The following EML5 variants were observed in gnomAD, a reference collection of about 807,000 sequenced individuals.
EML5 encodes the protein EMAP like 5.
EML5 carries 120 observed loss-of-function variants against 250.0 expected under a neutral mutation model. The observed-to-expected ratio is 0.48, with a 90% CI of 0.41 to 0.56. The LOEUF (loss-of-function observed/expected upper bound fraction) is 0.56. EML5 is among the 20% of genes least tolerant of loss of function. The pLI is 0.00. For synonymous variants in EML5, 771 were observed against 806.5 expected (o/e 0.96, Z 0.75); for missense variants, 2,006 against 2,437.6 (o/e 0.82, Z 3.73).
chr14:88,621,340 A>C lies in EML5; in HGVS notation c.5014-39T>G, dbSNP rs374668618. The C allele has an allele frequency of 3.7e-6, 6 of 1,607,792 alleles. No homozygotes were observed. In the African/African-American group the frequency reaches 6.7e-5, roughly 18 times the overall value. ...AGGACCAATACAGTGAATGTAATACAACAGCTGCTTTTCTTCTTCATAATA... is the reference window on the plus strand; with the variant it reads ...AGGACCAATACAGTGAATGTAATACCACAGCTGCTTTTCTTCTTCATAATA... On this transcript the variant is annotated intron_variant, in intron 37 of 43. Coordinates refer to ENST00000554922, the MANE Select transcript of EML5 (RefSeq NM_183387.3).
chr14:88,767,044 G>A (rs1389573682), intron 1 of EML5, among the ~76,000 whole-genome samples: 1 of 152,102 alleles, frequency 6.6e-6, no homozygotes, highest in East Asian at 1.9e-4. Flanking sequence ...ATTTTTATAT[G>A]CTAATTTTCA....
chr14:88,624,920 C>G (rs1353354016), intron 36 of EML5, 50 bp downstream of exon 36: 1 of 1,597,618 alleles, frequency 6.3e-7, no homozygotes, highest in Admixed American at 1.7e-5. Flanking sequence ...CTGCAAACCT[C>G]AGGTAGGTCA....
Position 88,624,953 on chromosome 14 carries a change from A to C in EML5, c.4898+17T>G. 6.2e-7 allele frequency: 1 copy of C among 1,611,686 alleles called. No individual in the cohort carries two copies. The highest frequency in any genetic ancestry group is 8.5e-7 in the Non-Finnish European group (1 of 1,178,960). ...TCACAAATGCATAAATATTCTGTGA[A>C]AAGAAAGAGGACTCACGGCCTTTCC... is the stretch of plus-strand genomic sequence containing the variant. On this transcript the variant is annotated intron_variant, in intron 36 of 43. Transcript: ENST00000554922.
intron 32 of EML5, among the ~76,000 whole-genome samples, chr14:88,637,781 A>T (rs2090825105): frequency 6.6e-6 from 1 of 152,212 alleles, no homozygotes; most frequent in East Asian, 1.9e-4. Context: ...TTCCTTGTGC[A>T]CAGTGAAAAT....
intron 6 of EML5, among the ~76,000 whole-genome samples, chr14:88,738,355 G>C (rs772583600): frequency 2.0e-5 from 3 of 151,506 alleles, no homozygotes; most frequent in Non-Finnish European, 2.9e-5. Context: ...ACACAAACCT[G>C]TGGGTAGCTT....
chr14:88,751,817 T>A (rs140277843), intron 2 of EML5, among the ~76,000 whole-genome samples: 4 of 152,278 alleles, frequency 2.6e-5, no homozygotes, highest in Non-Finnish European at 5.9e-5. Context: ...TAAAGAAGCC[T>A]CTATCCATCT....
intron 1 of EML5, among the ~76,000 whole-genome samples, chr14:88,768,726 CTTTT>C (rs896532697): frequency 6.6e-6 from 1 of 152,106 alleles, no homozygotes; most frequent in Non-Finnish European, 1.5e-5. Context: ...ATGTGATTCT[CTTTT>C]TTCTCTCTTT....
At position 88,612,483 on chromosome 14, in the gene EML5, G is replaced by A. The variant is rs2086933211; in HGVS notation, c.*3335C>T. ...AATGCCTTCTAAATAATTTTTTTGG[G>A]AAACTACATTATCACAAAATTATAC... On this transcript the variant is annotated 3_prime_UTR_variant, in exon 44 of 44. Transcript: ENST00000554922. 1 of 152,110 alleles carries A rather than the reference G, an allele frequency of 6.6e-6. No individual in the cohort carries two copies. The highest frequency in any genetic ancestry group is 1.5e-5 in the Non-Finnish European group (1 of 68,012). 9.4% of individuals were successfully genotyped at this position (152,110 alleles called of 1,614,324 possible). A position where few individuals can be genotyped will look rare whatever the true frequency, so the allele number is the denominator to read the frequency against.
chr14:88,754,899 A>G (rs2094140990), intron 1 of EML5, among the ~76,000 whole-genome samples: 1 of 152,066 alleles, frequency 6.6e-6, no homozygotes, highest in Non-Finnish European at 1.5e-5. Flanking sequence ...CATCCCGCCA[A>G]GTTCAAGCAA....
intron 28 of EML5, among the ~76,000 whole-genome samples, chr14:88,648,653 G>A (rs1002892359): frequency 1.3e-5 from 2 of 151,920 alleles, no homozygotes; most frequent in Admixed American, 6.6e-5. Flanking sequence ...CACTGCACCC[G>A]GTCAATTAAC....
chr14:88,722,622 G>C (rs1216216812), intron 8 of EML5, among the ~76,000 whole-genome samples: 1 of 151,972 alleles, frequency 6.6e-6, no homozygotes, highest in Non-Finnish European at 1.5e-5. Context: ...GGGGTGGGGT[G>C]AGGGGAGGGG....
chr14:88,691,202 T>C (rs1165031601), intron 17 of EML5, among the ~76,000 whole-genome samples: 1 of 152,164 alleles, frequency 6.6e-6, no homozygotes, highest in Non-Finnish European at 1.5e-5. Flanking sequence ...CTAGGATCTA[T>C]GTGTCACTGG....
At chr14:88,721,937 T>A (rs971374999) in intron 8 of EML5, among the ~76,000 whole-genome samples, 2 of 152,116 alleles carry the variant, frequency 1.3e-5, no homozygotes, top group African/African-American at 4.8e-5. Context: ...AACAACCCCA[T>A]TAAAAAGTGG....
At chr14:88,734,815 AT>A (rs1408006079) in intron 7 of EML5, among the ~76,000 whole-genome samples, 1 of 152,200 alleles carries the variant, frequency 6.6e-6, no homozygotes, top group African/African-American at 2.4e-5. Context: ...CAAATCCAGA[AT>A]GTGGGAAACG....
chr14:88,745,571 T>C (rs2093993593), intron 3 of EML5, among the ~76,000 whole-genome samples: 4 of 152,120 alleles, frequency 2.6e-5, no homozygotes, highest in African/African-American at 9.7e-5. Flanking sequence ...ACAAGCAACA[T>C]TATTTTTCAC....
chr14:88,622,098 T>A, intron 37 of EML5: 1 of 248,306 alleles, frequency 4.0e-6, no homozygotes, highest in Non-Finnish European at 8.5e-6. Flanking sequence ...TCAACTTTTT[T>A]AGTTTCTGCA....
At chr14:88,676,671 C>G (rs936856402) in intron 21 of EML5, among the ~76,000 whole-genome samples, 5 of 152,122 alleles carry the variant, frequency 3.3e-5, no homozygotes, top group Non-Finnish European at 7.4e-5. Flanking sequence ...GCCCATATAG[C>G]CAAGACAATG....
Position 88,613,432 on chromosome 14 carries a change from A to G in EML5, c.*2386T>C, listed in dbSNP as rs1276323908. 6.6e-6 allele frequency: 1 copy of G among 152,166 alleles called. No individual in the cohort carries two copies. The highest frequency in any genetic ancestry group is 1.5e-5 in the Non-Finnish European group (1 of 68,024). The allele number at this position is 152,166 out of a possible 1,614,324, so 9.4% of individuals were successfully genotyped here. On this transcript the variant is annotated 3_prime_UTR_variant, in exon 44 of 44. Transcript: ENST00000554922. ...AGTTTTGTTCTCAGTTTCACTATAAATTATAGAACAAATGGGAAACAAGGG... is the reference window on the plus strand; with the variant it reads ...AGTTTTGTTCTCAGTTTCACTATAAGTTATAGAACAAATGGGAAACAAGGG...
chr14:88,669,154 T>C (rs1213434386), intron 21 of EML5, among the ~76,000 whole-genome samples: 1 of 152,186 alleles, frequency 6.6e-6, no homozygotes, highest in Non-Finnish European at 1.5e-5. Context: ...ACTTTTTCCA[T>C]GGATCTGTGC....
Sources: allele counts gnomAD v4.1 joint callset (sites outside exome capture counted in the v4.1 genomes callset), GRCh38; gene constraint gnomAD v4.1.1; transcripts MANE v1.5; gene names NCBI Gene and HGNC (gene_info 2026-07-23, HGNC 2026-07-21).